Variants in PYY observed in about 807,000 individuals in gnomAD.
PYY encodes peptide tyrosine tyrosine.
PYY carries 12 observed loss-of-function variants against 10.3 expected under a neutral mutation model. The ratio of observed to expected loss-of-function variants is 1.17; its 90% CI spans 0.75 to 1.89. The LOEUF (loss-of-function observed/expected upper bound fraction) is 1.89. Ranked by LOEUF, PYY falls within the 40% of genes most tolerant of loss-of-function variation. The pLI is 0.00. For missense variants in PYY, 141 were observed against 134.0 expected, an observed-to-expected ratio of 1.05 and a Z score of -0.26; for synonymous variants, 66 against 62.0, an observed-to-expected ratio of 1.06 and a Z score of -0.30.
intron 1 of PYY, among the ~76,000 whole-genome samples, chr17:43,976,401 ATACATATTCATG>A (rs1188569227): frequency 2.6e-5 from 3 of 116,424 alleles, no homozygotes; most frequent in East Asian, 2.1e-3. Context: ...ATATACGTAT[ATACATATTCATG>A]TATACATATA....
intron 1 of PYY, among the ~76,000 whole-genome samples, chr17:43,983,208 G>A (rs2048894334): frequency 6.6e-6 from 1 of 152,146 alleles, no homozygotes; most frequent in East Asian, 1.9e-4. Context: ...CTCCAGCCTG[G>A]GTGACAGCGA....
intron 1 of PYY, among the ~76,000 whole-genome samples, chr17:43,981,638 C>G (rs574800029): frequency 6.6e-6 from 1 of 152,042 alleles, no homozygotes; most frequent in Non-Finnish European, 1.5e-5. Context: ...TACAGGTGCA[C>G]GCCACCATGC....
intron 1 of PYY, among the ~76,000 whole-genome samples, chr17:43,981,152 G>A (rs994779930): frequency 6.6e-6 from 1 of 151,966 alleles, no homozygotes; most frequent in Admixed American, 6.6e-5. Context: ...TTACAAGCAT[G>A]AGACCATGCC....
intron 1 of PYY, among the ~76,000 whole-genome samples, chr17:43,989,170 C>G (rs530053116): frequency 1.3e-4 from 19 of 151,958 alleles, no homozygotes; most frequent in Middle Eastern, 3.4e-3. Context: ...GTCAGGAGAT[C>G]AAGACCATCC....
At chr17:43,972,848 C>A (rs1467366621) in intron 1 of PYY, among the ~76,000 whole-genome samples, 1 of 152,152 alleles carries the variant, frequency 6.6e-6, no homozygotes, top group African/African-American at 2.4e-5. Context: ...TCCCAGGTAG[C>A]TGGGACTACA....
intron 1 of PYY, among the ~76,000 whole-genome samples, chr17:43,977,627 T>C (rs1201260546): frequency 6.6e-6 from 1 of 152,142 alleles, no homozygotes; most frequent in Non-Finnish European, 1.5e-5. Flanking sequence ...ACCTTCACCC[T>C]ACTCTGTGTC....
In PYY at chr17:43,987,632, TG is replaced by T. The variant is rs2048923842; in HGVS notation, c.-463+16758del. On this transcript the variant is annotated intron_variant, in intron 1 of 6. Coordinates refer to the PYY transcript ENST00000360085. The surrounding 1 kb of genome is among the most constrained non-coding windows in gnomAD (Gnocchi z 4.0). Reference sequence around the variant, plus strand: ...CCCACATGCCACACCCCTGTGGGGCTGGCATGAAGAGGCCATTTCTTCCCTT... The same window carrying T: ...CCCACATGCCACACCCCTGTGGGGCTGCATGAAGAGGCCATTTCTTCCCTT... Among the ~76,000 whole-genome samples the T allele has an allele frequency of 6.6e-6, 1 of 152,232 alleles. No individual in the cohort carries two copies. Among genetic ancestry groups the T allele is most frequent in the Non-Finnish European group, 1.5e-5 (1 of 68,030 alleles).
upstream of PYY, among the ~76,000 whole-genome samples, chr17:43,954,471 C>A (rs550300400): frequency 6.6e-6 from 1 of 152,322 alleles, no homozygotes; most frequent in East Asian, 1.9e-4. Context: ...AGGGTGGGAG[C>A]ACCTGACCTT....
At chr17:43,964,915 G>A (rs1046324294) in intron 2 of PYY, among the ~76,000 whole-genome samples, 1 of 152,164 alleles carries the variant, frequency 6.6e-6, no homozygotes, top group Non-Finnish European at 1.5e-5. Flanking sequence ...AAAATAAATG[G>A]GATTTTTAAT....
intron 2 of PYY, among the ~76,000 whole-genome samples, chr17:43,965,462 C>A (rs2048747640): frequency 6.9e-6 from 1 of 145,524 alleles, no homozygotes. Context: ...GCCTGGGCGA[C>A]GGAGTGAGAC....
At chr17:43,997,016 G>GTGT (rs753696328) in intron 1 of PYY, among the ~76,000 whole-genome samples, 11 of 150,756 alleles carry the variant, frequency 7.3e-5, no homozygotes, top group African/African-American at 2.2e-4. Context: ...TTTTTTTGGG[G>GTGT]TGATGTTGTT....
chr17:43,960,532 C>CAAAAAAAAAAAAAAAAA (rs1170040925), intron 2 of PYY, among the ~76,000 whole-genome samples: 1 of 59,000 alleles, frequency 1.7e-5, no homozygotes, highest in Non-Finnish European at 2.8e-5. Flanking sequence ...GACTTTGTCT[C>CAAAAAAAAAAAAAAAAA]AAAAAAAAAA....
intron 1 of PYY, among the ~76,000 whole-genome samples, chr17:43,995,538 A>G (rs2048985462): frequency 6.6e-6 from 1 of 152,134 alleles, no homozygotes; most frequent in South Asian, 2.1e-4. Flanking sequence ...ATCTCCCATC[A>G]AGAAATGCAG....
rs1200890434 is a variant in PYY at position 43,953,367 on chromosome 17, G to A, written c.117C>T (p.Asp39=). 1.2e-6 allele frequency: 2 copies of A among 1,612,264 alleles called. No individual in the cohort carries two copies. The highest frequency in any genetic ancestry group is 1.7e-6 in the Non-Finnish European group (2 of 1,179,294). ...YPIKPEAPRE[D]ASPEELNRYY... is the part of the protein sequence containing the mutation. Reference sequence around the variant, plus strand: ...AGCGGTTCAGCTCCTCCGGCGAGGCGTCTTCGCGGGGAGCCTCGGGTTTGA... The same window carrying A: ...AGCGGTTCAGCTCCTCCGGCGAGGCATCTTCGCGGGGAGCCTCGGGTTTGA... Residue 39 remains aspartate (D), a synonymous_variant, in exon 2 of 4, where the codon GAC becomes GAT. Transcript: ENST00000692052.
intron 1 of PYY, among the ~76,000 whole-genome samples, chr17:43,994,143 T>C (rs2048975241): frequency 6.7e-6 from 1 of 149,474 alleles, no homozygotes; most frequent in Non-Finnish European, 1.5e-5. Flanking sequence ...CATGGGCCAC[T>C]ACACCCAGCC....
chr17:43,997,553 A>G (rs145966748), intron 1 of PYY, among the ~76,000 whole-genome samples: 142 of 152,286 alleles, frequency 9.3e-4, no homozygotes, highest in Non-Finnish European at 1.7e-3. Context: ...AATAAGGTCA[A>G]ACAAGTGCCT....
At chr17:43,973,985 G>C (rs115793695) in intron 1 of PYY, among the ~76,000 whole-genome samples, 1,868 of 152,092 alleles carry the variant, frequency 0.012, 48 homozygotes, top group African/African-American at 0.043. Flanking sequence ...GTCTGTGCAC[G>C]GACAAGTGGC....
intron 1 of PYY, among the ~76,000 whole-genome samples, chr17:44,003,992 C>T (rs180731537): frequency 1.1e-3 from 170 of 151,950 alleles, no homozygotes; most frequent in African/African-American, 3.9e-3. Flanking sequence ...GACCCTATCT[C>T]AAAAACCAAA....
chr17:43,984,749 C>A (rs1026435502), intron 1 of PYY, among the ~76,000 whole-genome samples: 1 of 152,234 alleles, frequency 6.6e-6, no homozygotes, highest in Non-Finnish European at 1.5e-5. Flanking sequence ...CACATCTATG[C>A]CCTGCCCAAT....
Sources: allele counts gnomAD v4.1 joint callset (sites outside exome capture counted in the v4.1 genomes callset), GRCh38; gene constraint gnomAD v4.1.1; non-coding constraint Gnocchi (gnomAD v3.1); transcripts MANE v1.5; gene names NCBI Gene and HGNC (gene_info 2026-07-23, HGNC 2026-07-21).